The following SLC38A11 variants were observed in gnomAD, a reference collection of about 807,000 sequenced individuals.
SLC38A11 encodes the protein solute carrier family 38 member 11, also known as putative sodium-coupled neutral amino acid transporter 11.
A neutral mutation model predicts 49.4 loss-of-function variants in SLC38A11; 51 were observed. That is an observed-to-expected ratio of 1.03 (90% CI 0.83 to 1.30). The LOEUF is 1.30. SLC38A11 is among the 50% of genes most tolerant of loss of function. The pLI is 0.00. For synonymous variants in SLC38A11, 203 were observed against 192.9 expected, an observed-to-expected ratio of 1.05 and a Z score of -0.43; for missense variants, 574 against 556.2, an observed-to-expected ratio of 1.03 and a Z score of -0.32.
chr2:164,915,392 C>T lies in SLC38A11; in HGVS notation c.689-119G>A. On this transcript the variant is annotated intron_variant, in intron 8 of 11. Transcript: ENST00000685975. Reference sequence around the variant, plus strand: ...AATGAACTGAAGTTTAAACATACAACTTTATTAATATGTCAGAAAATAATT... The same window carrying T: ...AATGAACTGAAGTTTAAACATACAATTTTATTAATATGTCAGAAAATAATT... 7.4e-6 allele frequency: 6 copies of T among 815,978 alleles called. No homozygotes were observed. The South Asian group carries it at 1.3e-4, about 18-fold the overall frequency. 50.5% of individuals were successfully genotyped at this position (815,978 alleles called of 1,614,324 possible).
intron 7 of SLC38A11, among the ~76,000 whole-genome samples, chr2:164,926,290 CCTTCAT>C (rs909210395): frequency 1.3e-5 from 2 of 152,184 alleles, no homozygotes; most frequent in African/African-American, 4.8e-5. Flanking sequence ...GTAAAGCTTT[CCTTCAT>C]CTTCATCTCT....
rs974962744 is a variant in SLC38A11, at chr2:164,939,438, T to A, written c.537+12A>T. 12 of 1,570,254 alleles carry A rather than the reference T, an allele frequency of 7.6e-6. No homozygotes were observed. Among genetic ancestry groups the A allele is most frequent in the Non-Finnish European group, 9.6e-6 (11 of 1,145,808 alleles). On this transcript the variant is annotated intron_variant, in intron 6 of 11. Coordinates refer to ENST00000685975, the MANE Select transcript of SLC38A11 (RefSeq NM_001351537.2). Reference sequence around the variant, plus strand: ...GGTACATTTCTATGCCCATTTAAAATGTAAAAATTACCTTTCCAAGCTTTG... The same window carrying A: ...GGTACATTTCTATGCCCATTTAAAAAGTAAAAATTACCTTTCCAAGCTTTG...
At chr2:164,914,641 G>A (rs1219733959) in intron 9 of SLC38A11, among the ~76,000 whole-genome samples, 1 of 151,150 alleles carries the variant, frequency 6.6e-6, no homozygotes, top group Non-Finnish European at 1.5e-5. Context: ...ATTAGAGAGG[G>A]TAAAGAAAAA....
At chr2:164,943,213 A>C (rs187985766) in intron 5 of SLC38A11, among the ~76,000 whole-genome samples, 161 of 152,330 alleles carry the variant, frequency 1.1e-3, no homozygotes, top group African/African-American at 3.5e-3. Context: ...TGATCTCTGA[A>C]TTATTATAAA....
At chr2:164,943,280 A>C (rs991345785) in intron 5 of SLC38A11, among the ~76,000 whole-genome samples, 1 of 152,218 alleles carries the variant, frequency 6.6e-6, no homozygotes, top group African/African-American at 2.4e-5. Context: ...TATGTTGAAA[A>C]GGTCTGCTAG....
At position 164,915,252 on chromosome 2, in the gene SLC38A11, G is replaced by A. The variant is rs1337127080; in HGVS notation, c.710C>T (p.Ser237Phe). ...TTCTAGAGAACTGTAAACTAAGAAG[G>A]AGTTATGGTGGCAAATAAATGCTGC... is the stretch of plus-strand genomic sequence containing the variant. Reference protein sequence around the residue: ...MSFAFICHHNSFLVYSSLEEP... With the variant: ...MSFAFICHHNFFLVYSSLEEP... Residue 237 changes from serine (S) to phenylalanine (F), a missense_variant, in exon 9 of 12, where the codon TCC becomes TTC. Transcript: ENST00000685975. 6.3e-7 allele frequency: 1 copy of A among 1,599,362 alleles called. No individual in the cohort carries two copies. The highest frequency in any genetic ancestry group is 8.5e-7 in the Non-Finnish European group (1 of 1,174,974).
Position 164,897,337 on chromosome 2 carries a change from A to G in SLC38A11, c.*1100T>C, listed in dbSNP as rs140004693. On this transcript the variant is annotated 3_prime_UTR_variant, in exon 12 of 12. Transcript: ENST00000685975. ...ATCCTTCTCCAGATGCTCACATTAAATGACTGATGGAGGCAGCAGTATCAA... is the reference window on the plus strand; with the variant it reads ...ATCCTTCTCCAGATGCTCACATTAAGTGACTGATGGAGGCAGCAGTATCAA... The G allele has an allele frequency of 6.6e-6, 1 of 152,210 alleles. No individual in the cohort carries two copies. The highest frequency in any genetic ancestry group is 6.6e-5 in the Admixed American group (1 of 15,266). The allele number at this position is 152,210 out of a possible 1,614,324, so 9.4% of individuals were successfully genotyped here.
At chr2:164,942,768 A>C (rs1201923667) in intron 5 of SLC38A11, among the ~76,000 whole-genome samples, 6 of 152,274 alleles carry the variant, frequency 3.9e-5, no homozygotes, top group Non-Finnish European at 7.4e-5. Context: ...GGGTAACAAT[A>C]ATAATAGCTA....
At chr2:164,898,786 A>G in intron 11 of SLC38A11, 56 bp from the exon 12 acceptor site, 8 of 1,531,872 alleles carry the variant, frequency 5.2e-6, no homozygotes, top group Non-Finnish European at 7.1e-6. Flanking sequence ...CATTCTTCGG[A>G]CAGCTTTTAA....
intron 3 of SLC38A11, among the ~76,000 whole-genome samples, chr2:164,952,280 C>T (rs531504942): frequency 2.0e-5 from 3 of 152,256 alleles, no homozygotes; most frequent in South Asian, 4.2e-4. Flanking sequence ...TTGATGAGCC[C>T]TGCTGGTTGA....
In SLC38A11 at chr2:164,917,194, G is replaced by A. The variant is rs1003165863; in HGVS notation, c.618-1221C>T. Among the ~76,000 whole-genome samples, 4 of 152,034 alleles carry A rather than the reference G, an allele frequency of 2.6e-5. No homozygotes were observed. The East Asian group carries it at 7.7e-4, about 29-fold the overall frequency. On this transcript the variant is annotated intron_variant, in intron 7 of 11. Coordinates refer to ENST00000685975, the MANE Select transcript of SLC38A11 (RefSeq NM_001351537.2). ...GAAGAATGGAACAGGGATATTCCTAGGAAGCATGAAAAGGCGCTGGGTATT... is the reference window on the plus strand; with the variant it reads ...GAAGAATGGAACAGGGATATTCCTAAGAAGCATGAAAAGGCGCTGGGTATT...
At chr2:164,951,661 C>T (rs901543261) in intron 3 of SLC38A11, among the ~76,000 whole-genome samples, 7 of 152,050 alleles carry the variant, frequency 4.6e-5, no homozygotes, top group South Asian at 2.1e-4. Context: ...TGAGGTTTTA[C>T]GAGGGATGGC....
chr2:164,904,130 C>T (rs1684837283), intron 11 of SLC38A11, among the ~76,000 whole-genome samples: 1 of 152,082 alleles, frequency 6.6e-6, no homozygotes, highest in Non-Finnish European at 1.5e-5. Context: ...TTTCTTCCTT[C>T]CACTGTAAAC....
At chr2:164,949,652 CA>C (rs936678629) in intron 3 of SLC38A11, among the ~76,000 whole-genome samples, 3 of 152,130 alleles carry the variant, frequency 2.0e-5, no homozygotes, top group Non-Finnish European at 4.4e-5. Context: ...AACTGCTTCA[CA>C]AAAAAGTTGA....
intron 11 of SLC38A11, among the ~76,000 whole-genome samples, chr2:164,903,036 T>G (rs1684763503): frequency 6.6e-6 from 1 of 152,236 alleles, no homozygotes; most frequent in South Asian, 2.1e-4. Flanking sequence ...ATTCCATAGA[T>G]TCTATCATAA....
At chr2:164,949,187 G>A (rs1000928803) in intron 3 of SLC38A11, among the ~76,000 whole-genome samples, 1 of 100,684 alleles carries the variant, frequency 9.9e-6, no homozygotes, top group Non-Finnish European at 2.0e-5. Flanking sequence ...TTTACCCATC[G>A]GATTCTAATT....
intron 10 of SLC38A11, among the ~76,000 whole-genome samples, chr2:164,910,859 A>G (rs1391150159): frequency 1.3e-5 from 2 of 152,116 alleles, no homozygotes; most frequent in East Asian, 3.8e-4. Context: ...AGCTGACAGC[A>G]TAAGGGATTC....
chr2:164,919,142 C>T (rs2198571), intron 7 of SLC38A11, among the ~76,000 whole-genome samples: 2 of 151,864 alleles, frequency 1.3e-5, no homozygotes, highest in East Asian at 3.9e-4. Context: ...CTGGCCTGGG[C>T]AACACAGGGA....
intron 9 of SLC38A11, among the ~76,000 whole-genome samples, chr2:164,914,518 AGGTCTG>A (rs1340005711): frequency 1.3e-5 from 2 of 151,978 alleles, no homozygotes; most frequent in Non-Finnish European, 2.9e-5. Context: ...ACAAAAAGAA[AGGTCTG>A]GGTTAGAATT....
Sources: allele counts gnomAD v4.1 joint callset (sites outside exome capture counted in the v4.1 genomes callset), GRCh38; gene constraint gnomAD v4.1.1; transcripts MANE v1.5; gene names NCBI Gene and HGNC (gene_info 2026-07-23, HGNC 2026-07-21).